DDAH1: variants seen among roughly 807,000 people sequenced by gnomAD.
DDAH1 encodes the protein N(G),N(G)-dimethylarginine dimethylaminohydrolase 1.
DDAH1 carries 19 observed loss-of-function variants against 28.8 expected under a neutral mutation model. That is an observed-to-expected ratio of 0.66 (90% CI 0.46 to 0.97). The LOEUF (loss-of-function observed/expected upper bound fraction) is 0.97. DDAH1 is among the 50% of genes least tolerant of loss of function. The pLI is 0.00. For synonymous variants in DDAH1, 153 were observed against 154.4 expected (o/e 0.99, Z 0.07); for missense variants, 326 against 375.9 (o/e 0.87, Z 1.10).
intron 1 of DDAH1, among the ~76,000 whole-genome samples, chr1:85,526,180 C>T (rs1466981367): frequency 6.6e-6 from 1 of 152,148 alleles, no homozygotes; most frequent in Non-Finnish European, 1.5e-5. Flanking sequence ...GCCCATCTTT[C>T]CCTCATTTCA....
At chr1:85,572,407 A>G (rs1208986504) in intron 1 of DDAH1, among the ~76,000 whole-genome samples, 1 of 152,080 alleles carries the variant, frequency 6.6e-6, no homozygotes, top group Non-Finnish European at 1.5e-5. Flanking sequence ...GACAAATACC[A>G]TGCTCTCCCC....
At chr1:85,501,720 G>A (rs1229268549) in intron 1 of DDAH1, among the ~76,000 whole-genome samples, 1 of 152,038 alleles carries the variant, frequency 6.6e-6, no homozygotes, top group Non-Finnish European at 1.5e-5. Context: ...CTTTTCCCAG[G>A]GATCAAAGTT....
At chr1:85,377,590 T>C (rs1409181379) in intron 1 of DDAH1, among the ~76,000 whole-genome samples, 2 of 152,104 alleles carry the variant, frequency 1.3e-5, no homozygotes, top group Non-Finnish European at 2.9e-5. Flanking sequence ...GGTCTAGGTG[T>C]TTTTCAATTG....
intron 1 of DDAH1, among the ~76,000 whole-genome samples, chr1:85,546,241 T>C (rs1012865289): frequency 2.6e-5 from 4 of 152,088 alleles, no homozygotes; most frequent in Non-Finnish European, 5.9e-5. Flanking sequence ...ATGAATGGAT[T>C]AATGCCGTTT....
intron 1 of DDAH1, among the ~76,000 whole-genome samples, chr1:85,573,474 G>A (rs905301011): frequency 6.6e-6 from 1 of 152,170 alleles, no homozygotes; most frequent in Admixed American, 6.5e-5. Flanking sequence ...GGTGTGGTGG[G>A]AGAGGTGCCT....
At chr1:85,552,725 G>A (rs1399404876) in intron 1 of DDAH1, among the ~76,000 whole-genome samples, 1 of 152,152 alleles carries the variant, frequency 6.6e-6, no homozygotes, top group East Asian at 1.9e-4. Context: ...TTGCTTTTGA[G>A]TAGACAAAAT....
chr1:85,358,638 C>G, intron 2 of DDAH1, 110 bp downstream of exon 2: 2 of 828,130 alleles, frequency 2.4e-6, no homozygotes, highest in Non-Finnish European at 1.9e-6. Context: ...GACAGCGAGA[C>G]TCTGTCTCAA....
chr1:85,540,696 G>A (rs370158161), intron 1 of DDAH1, among the ~76,000 whole-genome samples: 7 of 152,048 alleles, frequency 4.6e-5, no homozygotes, highest in Admixed American at 6.6e-5. Context: ...AGTGACTCAC[G>A]CCTGTAATCC....
intron 1 of DDAH1, among the ~76,000 whole-genome samples, chr1:85,384,911 T>C (rs1217345107): frequency 6.6e-6 from 1 of 152,234 alleles, no homozygotes; most frequent in African/African-American, 2.4e-5. Context: ...TTTATTTACA[T>C]GTTACTTAAA....
At chr1:85,454,660 C>T (rs977365411) in intron 1 of DDAH1, among the ~76,000 whole-genome samples, 21 of 152,080 alleles carry the variant, frequency 1.4e-4, no homozygotes, top group African/African-American at 5.1e-4. Flanking sequence ...CAATACTTAC[C>T]CTTATGACGC....
chr1:85,523,057 T>A (rs1418939646), intron 1 of DDAH1, among the ~76,000 whole-genome samples: 1 of 148,858 alleles, frequency 6.7e-6, no homozygotes, highest in African/African-American at 2.5e-5. Context: ...CTGTTGGGGG[T>A]GGGATGCACG....
At chr1:85,533,422 G>A (rs1165784665) in intron 1 of DDAH1, among the ~76,000 whole-genome samples, 1 of 151,946 alleles carries the variant, frequency 6.6e-6, no homozygotes, top group Non-Finnish European at 1.5e-5. Flanking sequence ...CTCCTAAAGT[G>A]TGATTACAAG....
At chr1:85,373,032 AC>A (rs948449810) in intron 1 of DDAH1, among the ~76,000 whole-genome samples, 52 of 152,120 alleles carry the variant, frequency 3.4e-4, no homozygotes, top group African/African-American at 1.2e-3. Context: ...ATGTATCTTA[AC>A]TAAATTTAAT....
chr1:85,410,029 C>T (rs1350560319), intron 1 of DDAH1, among the ~76,000 whole-genome samples: 1 of 152,138 alleles, frequency 6.6e-6, no homozygotes, highest in African/African-American at 2.4e-5. Context: ...GCCTGTAATC[C>T]CAGCACTTTG....
chr1:85,361,210 G>A (rs1487760390), intron 1 of DDAH1, among the ~76,000 whole-genome samples: 1 of 152,194 alleles, frequency 6.6e-6, no homozygotes, highest in African/African-American at 2.4e-5. Flanking sequence ...GCTGCAAACA[G>A]GCCTGACACA....
intron 1 of DDAH1, among the ~76,000 whole-genome samples, chr1:85,430,934 T>C (rs572071683): frequency 1.3e-5 from 2 of 152,290 alleles, no homozygotes; most frequent in Admixed American, 6.5e-5. Flanking sequence ...CTATGTTGAA[T>C]AGGAGTGGTG....
chr1:85,475,361 T>G (rs773351581), intron 2 of DDAH1, among the ~76,000 whole-genome samples: 1 of 152,298 alleles, frequency 6.6e-6, no homozygotes, highest in South Asian at 2.1e-4. Context: ...GAAGAAGATA[T>G]GCAAAGCATA....
chr1:85,337,004 G>A (rs1437735086), intron 4 of DDAH1, among the ~76,000 whole-genome samples: 2 of 152,170 alleles, frequency 1.3e-5, no homozygotes, highest in African/African-American at 2.4e-5. Flanking sequence ...CCATGATCAA[G>A]TGGGATTTAT....
chr1:85,433,952 C>T (rs1653817736), intron 1 of DDAH1, among the ~76,000 whole-genome samples: 1 of 151,972 alleles, frequency 6.6e-6, no homozygotes, highest in Non-Finnish European at 1.5e-5. Context: ...TTACTTAGAT[C>T]AAATGTAGGA....
Sources: allele counts gnomAD v4.1 joint callset (sites outside exome capture counted in the v4.1 genomes callset), GRCh38; gene constraint gnomAD v4.1.1; transcripts MANE v1.5; gene names NCBI Gene and HGNC (gene_info 2026-07-23, HGNC 2026-07-21).